PPP1R12B: variants seen among roughly 807,000 people sequenced by gnomAD.
The protein encoded by PPP1R12B is protein phosphatase 1 regulatory subunit 12B.
PPP1R12B carries 76 observed loss-of-function variants against 126.1 expected under a neutral mutation model. The ratio of observed to expected loss-of-function variants is 0.60; its 90% CI spans 0.50 to 0.73. The LOEUF (loss-of-function observed/expected upper bound fraction) is 0.73. PPP1R12B is among the 30% of genes least tolerant of loss of function. The pLI is 0.00. For synonymous variants in PPP1R12B, 356 were observed against 434.7 expected (o/e 0.82, Z 2.25); for missense variants, 1,052 against 1,205.1 (o/e 0.87, Z 1.88).
In PPP1R12B at chr1:202,495,447, C is replaced by G. The variant is rs1265258036; in HGVS notation, c.2300C>G (p.Thr767Arg). Residue 767 changes from threonine (T) to arginine (R), a missense_variant, in exon 16 of 24, where the codon ACA becomes AGA. Physicochemically the swap from Thr to Arg is moderately conservative, Grantham distance 71. Coordinates refer to ENST00000608999, the MANE Select transcript of PPP1R12B (RefSeq NM_002481.4). Reference sequence around the variant, plus strand: ...GATTCTGAGAGTTCAGAGACTACCACAAACACTACAACTGCAAAGGAAATG... The same window carrying G: ...GATTCTGAGAGTTCAGAGACTACCAGAAACACTACAACTGCAAAGGAAATG... ...VPDSESSETT[T>R]NTTTAKEMDK... The G allele has an allele frequency of 1.2e-6, 2 of 1,608,294 alleles. No homozygotes were observed. Among genetic ancestry groups the G allele is most frequent in the Non-Finnish European group, 1.7e-6 (2 of 1,177,118 alleles).
At chr1:202,557,603 T>C (rs1301896295) in intron 18 of PPP1R12B, among the ~76,000 whole-genome samples, 1 of 152,196 alleles carries the variant, frequency 6.6e-6, no homozygotes, top group Admixed American at 6.5e-5. Context: ...CTTCGTTTAG[T>C]CCAGCGGTAT....
intron 3 of PPP1R12B, among the ~76,000 whole-genome samples, chr1:202,424,916 C>T (rs1669298924): frequency 6.6e-6 from 1 of 152,148 alleles, no homozygotes; most frequent in African/African-American, 2.4e-5. Context: ...GATTATATAT[C>T]TTCAAGTCAG....
chr1:202,389,233 C>T (rs1663670272), intron 1 of PPP1R12B, among the ~76,000 whole-genome samples: 1 of 152,122 alleles, frequency 6.6e-6, no homozygotes, highest in South Asian at 2.1e-4. Flanking sequence ...AAACTCAGAA[C>T]TTTTCTATGA....
intron 1 of PPP1R12B, among the ~76,000 whole-genome samples, chr1:202,349,491 T>C (rs571730851): frequency 3.9e-4 from 60 of 152,324 alleles, no homozygotes; most frequent in African/African-American, 1.4e-3. Context: ...GCGTCACTCA[T>C]AGGCACAGTG....
chr1:202,439,444 G>T, intron 10 of PPP1R12B: 1 of 1,361,724 alleles, frequency 7.3e-7, no homozygotes, highest in Non-Finnish European at 1.0e-6. Flanking sequence ...GGCGACCCCA[G>T]CTGGCTGCCC....
In PPP1R12B at chr1:202,585,247, TG is replaced by T. The variant is rs1442184645; in HGVS notation, c.*4690del. The T allele has an allele frequency of 2.0e-5, 3 of 152,298 alleles. No homozygotes were observed. Among genetic ancestry groups the T allele is most frequent in the African/African-American group, 7.2e-5 (3 of 41,476 alleles). The allele number at this position is 152,298 out of a possible 1,614,324, so 9.4% of individuals were successfully genotyped here. On this transcript the variant is annotated 3_prime_UTR_variant, in exon 24 of 24. Transcript: ENST00000608999. ...GCTGGGCTCAAGCAATCCACCTGGC[TG>T]GGCCTCCCAAAGCGATAGGATTACA...
In PPP1R12B at chr1:202,587,235, T is replaced by G. The variant is rs1689871501; in HGVS notation, c.*6675T>G. 1 of 152,158 alleles carries G rather than the reference T, an allele frequency of 6.6e-6. No homozygotes were observed. Among genetic ancestry groups the G allele is most frequent in the South Asian group, 2.1e-4 (1 of 4,828 alleles). 9.4% of individuals were successfully genotyped at this position (152,158 alleles called of 1,614,324 possible). On this transcript the variant is annotated 3_prime_UTR_variant, in exon 24 of 24. Coordinates refer to ENST00000608999, the MANE Select transcript of PPP1R12B (RefSeq NM_002481.4). Reference sequence around the variant, plus strand: ...ATACACTTCACTCCTCTCCCTTTCATCTCCCTCTGCATTCTTAATTCCTTG... The same window carrying G: ...ATACACTTCACTCCTCTCCCTTTCAGCTCCCTCTGCATTCTTAATTCCTTG...
chr1:202,431,725 G>C (rs1670210868), intron 8 of PPP1R12B, 106 bp downstream of exon 8: 1 of 1,111,774 alleles, frequency 9.0e-7, no homozygotes, highest in Admixed American at 2.6e-5. Context: ...AAAAGAGCTT[G>C]AAGTTTAGTT....
intron 13 of PPP1R12B, among the ~76,000 whole-genome samples, chr1:202,468,053 C>G (rs1675290905): frequency 6.6e-6 from 1 of 152,176 alleles, no homozygotes; most frequent in East Asian, 1.9e-4. Context: ...TATCCTTTGC[C>G]CACTTTTTGA....
intron 18 of PPP1R12B, among the ~76,000 whole-genome samples, chr1:202,515,492 G>T (rs1558321816): frequency 6.6e-6 from 1 of 152,186 alleles, no homozygotes; most frequent in Non-Finnish European, 1.5e-5. Flanking sequence ...TCAGATCCCT[G>T]CTGCCTTCTT....
At chr1:202,538,995 T>C (rs1465439960) in intron 18 of PPP1R12B, among the ~76,000 whole-genome samples, 1 of 152,230 alleles carries the variant, frequency 6.6e-6, no homozygotes. Flanking sequence ...CAGTAAGGTC[T>C]GTAATGGACA....
chr1:202,567,778 C>T lies in PPP1R12B; in HGVS notation c.2758C>T (p.Gln920Ter), dbSNP rs371515583. Residue 920 changes from glutamine to a stop codon, truncating the protein, a stop_gained and splice_region_variant, in exon 22 of 24, where the codon CAG becomes TAG. Coordinates refer to ENST00000608999, the MANE Select transcript of PPP1R12B (RefSeq NM_002481.4). LOFTEE classifies it high-confidence loss of function. ...IKSKLEKVAQ[Q>*]KQEKTSDRSS... is the part of the protein sequence containing the mutation. ...ACTGTTTTCCTTCCATTTGCACCAGCAGAAACAAGAAAAGACCTCTGACCG... is the reference window on the plus strand; with the variant it reads ...ACTGTTTTCCTTCCATTTGCACCAGTAGAAACAAGAAAAGACCTCTGACCG... The T allele has an allele frequency of 1.2e-5, 19 of 1,613,902 alleles. No homozygotes were observed. The highest frequency in any genetic ancestry group is 1.6e-5 in the Non-Finnish European group (19 of 1,179,896).
rs766809903 is a variant in PPP1R12B at position 202,580,552 on chromosome 1, T to C, written c.2941T>C (p.Ser981Pro). Residue 981 changes from serine (S) to proline (P), a missense_variant, in exon 24 of 24, where the codon TCC becomes CCC. Coordinates refer to ENST00000608999, the MANE Select transcript of PPP1R12B (RefSeq NM_002481.4). Reference sequence around the variant, plus strand: ...CCTCATCAGAGTCATCAGCAAACTGTCCAAGTAGGCTAGGCTCCAGATTTA... The same window carrying C: ...CCTCATCAGAGTCATCAGCAAACTGCCCAAGTAGGCTAGGCTCCAGATTTA... ...GALIRVISKLSK is the reference protein window; with the variant it reads ...GALIRVISKLPK The C allele has an allele frequency of 2.5e-6, 4 of 1,612,674 alleles. No homozygotes were observed. Among genetic ancestry groups the C allele is most frequent in the Non-Finnish European group, 3.4e-6 (4 of 1,178,692 alleles).
intron 13 of PPP1R12B, among the ~76,000 whole-genome samples, chr1:202,454,738 A>AGCCTGGGCAACACAGCAAGACCC (rs1673403217): frequency 6.6e-6 from 1 of 152,124 alleles, no homozygotes; most frequent in Non-Finnish European, 1.5e-5. Flanking sequence ...GCTCAAGACC[A>AGCCTGGGCAACACAGCAAGACCC]GCCTGGGCAA....
intron 1 of PPP1R12B, among the ~76,000 whole-genome samples, chr1:202,395,910 T>A (rs934584308): frequency 1.3e-5 from 2 of 152,238 alleles, no homozygotes; most frequent in South Asian, 2.1e-4. Flanking sequence ...TTTTATCACT[T>A]TACATTCATG....
chr1:202,403,990 C>T (rs1666212916), intron 1 of PPP1R12B, among the ~76,000 whole-genome samples: 3 of 152,194 alleles, frequency 2.0e-5, no homozygotes, highest in Admixed American at 2.0e-4. Context: ...AGACCTCATC[C>T]TCTCTTGCCT....
At chr1:202,451,445 T>C (rs1307043153) in intron 13 of PPP1R12B, among the ~76,000 whole-genome samples, 6 of 146,906 alleles carry the variant, frequency 4.1e-5, no homozygotes, top group Admixed American at 2.1e-4. Flanking sequence ...CATTTAACCC[T>C]GAGTGGACAC....
chr1:202,549,629 A>C (rs1686102427), intron 18 of PPP1R12B, among the ~76,000 whole-genome samples: 2 of 152,076 alleles, frequency 1.3e-5, no homozygotes, highest in African/African-American at 4.8e-5. Flanking sequence ...CGTGTTAGCC[A>C]GGGTGGTCTC....
intron 3 of PPP1R12B, among the ~76,000 whole-genome samples, chr1:202,424,325 T>TC (rs1669213057): frequency 6.7e-6 from 1 of 149,352 alleles, no homozygotes; most frequent in African/African-American, 2.5e-5. Context: ...ACAGGTTCTC[T>TC]CTTTTTTTTT....
Sources: allele counts gnomAD v4.1 joint callset (sites outside exome capture counted in the v4.1 genomes callset), GRCh38; gene constraint gnomAD v4.1.1; transcripts MANE v1.5; gene names NCBI Gene and HGNC (gene_info 2026-07-23, HGNC 2026-07-21).